Variants in ME3 observed in about 807,000 individuals in gnomAD.
ME3 encodes the protein NADP-dependent malic enzyme, mitochondrial.
A neutral mutation model predicts 68.9 loss-of-function variants in ME3; 48 were observed. The ratio of observed to expected loss-of-function variants is 0.70; its 90% CI spans 0.55 to 0.89. The LOEUF (loss-of-function observed/expected upper bound fraction) is 0.89, where lower values mean the gene tolerates loss of function less well. Ranked by LOEUF, ME3 falls within the 40% of genes least tolerant of loss-of-function variation. The probability of loss-of-function intolerance (pLI) is 0.00; values close to 1 mark genes in which losing one functional copy is unlikely to be tolerated. For synonymous variants in ME3, 320 were observed against 318.8 expected (o/e 1.00, Z -0.04); for missense variants, 675 against 797.4 (o/e 0.85, Z 1.85).
rs535482942 is a variant in ME3 at position 86,449,774 on chromosome 11, C to T, written c.1131+115G>A. The T allele has an allele frequency of 7.7e-5, 55 of 717,062 alleles. No homozygotes were observed. The South Asian group carries it at 9.7e-4, about 13-fold the overall frequency. The allele number at this position is 717,062 out of a possible 1,614,324, so 44.4% of individuals were successfully genotyped here. ...TTTGCTTTGGAGCTTAGGCCATTGC[C>T]CTCATTTTGCTCTCTATTCTGTTTG... On this transcript the variant is annotated intron_variant, in intron 10 of 14. Coordinates refer to ENST00000543262, the Ensembl canonical transcript of ME3.
intron 5 of ME3, among the ~76,000 whole-genome samples, chr11:86,502,400 TG>T (rs888670603): frequency 6.6e-6 from 1 of 152,208 alleles, no homozygotes; most frequent in African/African-American, 2.4e-5. Flanking sequence ...AGGCCAGTAA[TG>T]GGTTGTGTCA....
intron 2 of ME3, among the ~76,000 whole-genome samples, chr11:86,565,491 C>T (rs1019996200): frequency 6.6e-6 from 1 of 152,140 alleles, no homozygotes; most frequent in African/African-American, 2.4e-5. Context: ...TGTTCATCAA[C>T]ATATGAATGG....
Position 86,547,406 on chromosome 11 carries a change from C to T in ME3, c.467+9147G>A, listed in dbSNP as rs565970491. Among the ~76,000 whole-genome samples, 4 of 149,568 alleles carry T rather than the reference C, an allele frequency of 2.7e-5. No individual in the cohort carries two copies. The South Asian group carries it at 8.6e-4, about 32-fold the overall frequency. The stretch of plus-strand genomic sequence containing the variant: ...CAGAAAACCAAACACTGCATGTTCT[C>T]ACTTATAAGTGGGAGTTTAACAATG... On this transcript the variant is annotated intron_variant, in intron 4 of 14. Transcript: ENST00000543262.
intron 2 of ME3, among the ~76,000 whole-genome samples, chr11:86,606,020 G>A (rs375233231): frequency 2.6e-4 from 39 of 152,252 alleles, no homozygotes; most frequent in East Asian, 9.6e-4. Context: ...GAGGCTGTGT[G>A]CATCCCTTCT....
intron 4 of ME3, among the ~76,000 whole-genome samples, chr11:86,524,012 A>G (rs1405950014): frequency 6.6e-6 from 1 of 152,230 alleles, no homozygotes; most frequent in Non-Finnish European, 1.5e-5. Flanking sequence ...TTCTTTTTCT[A>G]CTAAAATATT....
At chr11:86,603,484 CTT>C (rs765046810) in intron 2 of ME3, among the ~76,000 whole-genome samples, 5 of 152,158 alleles carry the variant, frequency 3.3e-5, no homozygotes, top group Admixed American at 6.5e-5. Flanking sequence ...AATAGGAACA[CTT>C]TTACACGGTG....
At chr11:86,669,484 G>A (rs1198007360) in intron 2 of ME3, among the ~76,000 whole-genome samples, 3 of 152,104 alleles carry the variant, frequency 2.0e-5, no homozygotes, top group East Asian at 3.9e-4. Flanking sequence ...CAATCATGGC[G>A]AAGGCACCTC....
intron 8 of ME3, among the ~76,000 whole-genome samples, chr11:86,450,882 TTGAG>T (rs1949593320): frequency 6.6e-6 from 1 of 152,198 alleles, no homozygotes; most frequent in African/African-American, 2.4e-5. Context: ...GTCAAATGGC[TTGAG>T]TATGTCTGGA....
At chr11:86,487,485 CT>C in intron 6 of ME3, 45 bp from the exon 7 acceptor site, 1 of 1,495,956 alleles carries the variant, frequency 6.7e-7, no homozygotes. Context: ...CCCGGTGTTC[CT>C]GTTTTTTTTT....
At chr11:86,614,882 T>A (rs1034953584) in intron 2 of ME3, among the ~76,000 whole-genome samples, 2 of 152,214 alleles carry the variant, frequency 1.3e-5, no homozygotes, top group African/African-American at 4.8e-5. Flanking sequence ...TACTCCCAGC[T>A]CCATACCACT....
chr11:86,595,608 A>G (rs11234707), intron 2 of ME3, among the ~76,000 whole-genome samples: 57,341 of 152,048 alleles, frequency 0.38, 13,203 homozygotes, highest in Non-Finnish European at 0.51. Flanking sequence ...AGTGTCTCCT[A>G]TGAACCAGGC....
intron 2 of ME3, among the ~76,000 whole-genome samples, chr11:86,592,060 C>G (rs763946807): frequency 1.3e-5 from 2 of 152,160 alleles, no homozygotes; most frequent in African/African-American, 2.4e-5. Flanking sequence ...GAAGTCCAAG[C>G]CTGTCTGGTC....
At chr11:86,606,527 A>G (rs1382813036) in intron 2 of ME3, among the ~76,000 whole-genome samples, 1 of 152,192 alleles carries the variant, frequency 6.6e-6, no homozygotes, top group Non-Finnish European at 1.5e-5. Context: ...GTGCTCTCAC[A>G]TTCCACCAGG....
At chr11:86,530,065 G>T (rs1955087011) in intron 4 of ME3, among the ~76,000 whole-genome samples, 1 of 152,170 alleles carries the variant, frequency 6.6e-6, no homozygotes, top group Admixed American at 6.6e-5. Context: ...ACGTCAAATT[G>T]TCCCCGTTTG....
chr11:86,511,493 C>T (rs1489721063), intron 4 of ME3, among the ~76,000 whole-genome samples: 3 of 152,176 alleles, frequency 2.0e-5, no homozygotes, highest in African/African-American at 7.2e-5. Flanking sequence ...TGCTTCTAGT[C>T]TCACAGGCTG....
At chr11:86,616,304 T>C (rs1276581519) in intron 2 of ME3, among the ~76,000 whole-genome samples, 2 of 152,246 alleles carry the variant, frequency 1.3e-5, no homozygotes, top group East Asian at 1.9e-4. Flanking sequence ...TTAGGTTTAC[T>C]TCTCTTGGAC....
intron 4 of ME3, among the ~76,000 whole-genome samples, chr11:86,551,129 TGG>T (rs1249276494): frequency 6.6e-6 from 1 of 152,074 alleles, no homozygotes; most frequent in Non-Finnish European, 1.5e-5. Flanking sequence ...TATCCTCTTA[TGG>T]GTATGGGGTG....
chr11:86,512,390 C>T (rs1029138799), intron 4 of ME3, among the ~76,000 whole-genome samples: 8 of 152,220 alleles, frequency 5.3e-5, no homozygotes, highest in Non-Finnish European at 1.2e-4. Context: ...AGACTGTGAA[C>T]TTCAGAGGGC....
At chr11:86,619,158 A>G (rs531097966) in intron 2 of ME3, among the ~76,000 whole-genome samples, 9 of 152,296 alleles carry the variant, frequency 5.9e-5, no homozygotes, top group African/African-American at 2.2e-4. Context: ...TGTCAGCACT[A>G]TGCTTCCTGT....
Sources: gnomAD v4.1 joint callset for allele counts (sites outside exome capture counted in the v4.1 genomes callset) on GRCh38, gnomAD v4.1.1 for gene constraint, MANE v1.5 for transcripts, NCBI Gene and HGNC (gene_info 2026-07-23, HGNC 2026-07-21) for gene names.